The following MGAT4A variants were observed in gnomAD, a reference collection of about 807,000 sequenced individuals.
The protein encoded by MGAT4A is N-acetylglucosaminyltransferase IVa.
A neutral mutation model predicts 74.1 loss-of-function variants in MGAT4A; 33 were observed. That is an observed-to-expected ratio of 0.45 (90% CI 0.34 to 0.60). MGAT4A has a LOEUF of 0.60. MGAT4A is among the 20% of genes least tolerant of loss of function. MGAT4A has a pLI of 0.02. For synonymous variants in MGAT4A, 198 were observed against 210.4 expected, an observed-to-expected ratio of 0.94 and a Z score of 0.51; for missense variants, 479 against 628.3, an observed-to-expected ratio of 0.76 and a Z score of 2.54.
intron 8 of MGAT4A, among the ~76,000 whole-genome samples, chr2:98,652,498 A>G (rs959716438): frequency 5.3e-5 from 8 of 151,804 alleles, no homozygotes; most frequent in African/African-American, 1.9e-4. Context: ...CGCCCGGCTA[A>G]TTTTTTGTAT....
At chr2:98,681,015 C>T (rs542337670) in intron 2 of MGAT4A, among the ~76,000 whole-genome samples, 175 of 152,306 alleles carry the variant, frequency 1.1e-3, no homozygotes, top group African/African-American at 4.2e-3. Flanking sequence ...CGGAGTCTCG[C>T]TCTGTCACCC....
At chr2:98,712,036 C>T (rs902976488) in intron 2 of MGAT4A, among the ~76,000 whole-genome samples, 1 of 152,146 alleles carries the variant, frequency 6.6e-6, no homozygotes, top group Non-Finnish European at 1.5e-5. Flanking sequence ...GCTACCATCC[C>T]TGCTCCCAGC....
chr2:98,693,679 CAAA>C (rs202080554), intron 2 of MGAT4A, among the ~76,000 whole-genome samples: 9 of 101,450 alleles, frequency 8.9e-5, no homozygotes, highest in Admixed American at 1.0e-4. Context: ...GAGCTTCTCT[CAAA>C]AAAAAAAAAA....
chr2:98,704,031 G>A (rs999882680), intron 2 of MGAT4A, among the ~76,000 whole-genome samples: 1 of 152,170 alleles, frequency 6.6e-6, no homozygotes, highest in Non-Finnish European at 1.5e-5. Flanking sequence ...AACTACGACT[G>A]TGTAACATCC....
At position 98,624,537 on chromosome 2, in the gene MGAT4A, T is replaced by C. The variant is rs375940655; in HGVS notation, c.*1029A>G. On this transcript the variant is annotated 3_prime_UTR_variant, in exon 16 of 16. Transcript: ENST00000393487. ...ACCAAAAAACAATATTACAATTTTC[T>C]TTAAAATTATACCAATTATGACTCA... The C allele has an allele frequency of 1.0e-6, 1 of 976,762 alleles. No homozygotes were observed. 60.5% of individuals were successfully genotyped at this position (976,762 alleles called of 1,614,324 possible). A position where few individuals can be genotyped will look rare whatever the true frequency, so the allele number is the denominator to read the frequency against.
chr2:98,680,347 A>T (rs1435191390), intron 2 of MGAT4A, among the ~76,000 whole-genome samples: 1 of 152,138 alleles, frequency 6.6e-6, no homozygotes, highest in East Asian at 1.9e-4. Flanking sequence ...CCCAGCCAGA[A>T]AGTCTGTTTT....
chr2:98,674,795 T>G (rs552653891), intron 4 of MGAT4A, among the ~76,000 whole-genome samples: 1 of 152,198 alleles, frequency 6.6e-6, no homozygotes, highest in Admixed American at 6.5e-5. Context: ...GTGTCAACAT[T>G]TGTCTGCCTG....
At chr2:98,625,643 CA>C in intron 15 of MGAT4A, 51 bp from the exon 16 acceptor site, 1 of 1,563,564 alleles carries the variant, frequency 6.4e-7, no homozygotes, top group Non-Finnish European at 8.7e-7. Flanking sequence ...TTCTCAATTC[CA>C]AAAAGGCCTT....
At chr2:98,656,323 G>T in intron 7 of MGAT4A, 29 bp downstream of exon 7, 1 of 1,361,102 alleles carries the variant, frequency 7.3e-7, no homozygotes, top group Non-Finnish European at 1.0e-6. Flanking sequence ...ACTCACAAGT[G>T]TGGAGGATTT....
chr2:98,665,035 T>A (rs1701803741), intron 4 of MGAT4A, among the ~76,000 whole-genome samples: 1 of 152,086 alleles, frequency 6.6e-6, no homozygotes, highest in Non-Finnish European at 1.5e-5. Flanking sequence ...ATTCACAGAA[T>A]TCTAATGCCA....
At position 98,623,469 on chromosome 2, in the gene MGAT4A, T is replaced by A. The variant is rs1364206688; in HGVS notation, c.*2097A>T. 4 of 985,324 alleles carry A rather than the reference T, an allele frequency of 4.1e-6. No homozygotes were observed. Among genetic ancestry groups the A allele is most frequent in the Non-Finnish European group, 4.8e-6 (4 of 829,948 alleles). 61.0% of individuals were successfully genotyped at this position (985,324 alleles called of 1,614,324 possible). A position where few individuals can be genotyped will look rare whatever the true frequency, so the allele number is the denominator to read the frequency against. On this transcript the variant is annotated 3_prime_UTR_variant, in exon 16 of 16. Coordinates refer to ENST00000393487, the MANE Select transcript of MGAT4A (RefSeq NM_012214.3). Reference sequence around the variant, plus strand: ...TTTTTACTTCTGGTACTCAGTTATCTTTGCAGTAATTTAGTATACCAAGCT... The same window carrying A: ...TTTTTACTTCTGGTACTCAGTTATCATTGCAGTAATTTAGTATACCAAGCT...
At chr2:98,646,462 G>C (rs1184704315) in intron 8 of MGAT4A, among the ~76,000 whole-genome samples, 1 of 151,974 alleles carries the variant, frequency 6.6e-6, no homozygotes, top group Non-Finnish European at 1.5e-5. Flanking sequence ...CCAGCACTTC[G>C]GGGGGCCCAA....
At chr2:98,686,210 C>A (rs1013420740) in intron 2 of MGAT4A, among the ~76,000 whole-genome samples, 2 of 152,074 alleles carry the variant, frequency 1.3e-5, no homozygotes, top group Admixed American at 6.6e-5. Flanking sequence ...CTTCTAAATT[C>A]AAAAGGGAAA....
At position 98,623,431 on chromosome 2, in the gene MGAT4A, C is replaced by T. The variant is rs541461149; in HGVS notation, c.*2135G>A. ...CAGGGACCCAAGAGTACTCCTAAGCCCACCTGCAGAGATTTTTACTTCTGG... is the reference window on the plus strand; with the variant it reads ...CAGGGACCCAAGAGTACTCCTAAGCTCACCTGCAGAGATTTTTACTTCTGG... On this transcript the variant is annotated 3_prime_UTR_variant, in exon 16 of 16. Transcript: ENST00000393487. 8.1e-6 allele frequency: 8 copies of T among 985,374 alleles called. No individual in the cohort carries two copies. The African/African-American group carries it at 1.4e-4, about 17-fold the overall frequency. 61.0% of individuals were successfully genotyped at this position (985,374 alleles called of 1,614,324 possible).
chr2:98,621,413 C>T lies in MGAT4A; in HGVS notation c.*4153G>A, dbSNP rs1405808292. 2 of 1,551,246 alleles carry T rather than the reference C, an allele frequency of 1.3e-6. No individual in the cohort carries two copies. The highest frequency in any genetic ancestry group is 1.2e-5 in the South Asian group (1 of 83,984). ...CCTCAAAGCCATGTGCATTCCTTCTCATGCAGCCCCCTCTACCTTAAAACA... is the reference window on the plus strand; with the variant it reads ...CCTCAAAGCCATGTGCATTCCTTCTTATGCAGCCCCCTCTACCTTAAAACA... On this transcript the variant is annotated 3_prime_UTR_variant, in exon 16 of 16. Coordinates refer to ENST00000393487, the MANE Select transcript of MGAT4A (RefSeq NM_012214.3).
chr2:98,670,814 T>G (rs1186371734), intron 4 of MGAT4A, among the ~76,000 whole-genome samples: 5 of 152,060 alleles, frequency 3.3e-5, no homozygotes, highest in African/African-American at 4.8e-5. Flanking sequence ...CCCTAGGAGA[T>G]CTCATCCATT....
rs763815788 is a variant in MGAT4A at position 98,621,549 on chromosome 2, T to G, written c.*4017A>C. ...GATTTGATTAGCCACCCCCAGACAG[T>G]CTTCCTTTTGCTACATAACATGATA... On this transcript the variant is annotated 3_prime_UTR_variant, in exon 16 of 16. Coordinates refer to ENST00000393487, the MANE Select transcript of MGAT4A (RefSeq NM_012214.3). 4 of 1,550,594 alleles carry G rather than the reference T, an allele frequency of 2.6e-6. No homozygotes were observed. Among genetic ancestry groups the G allele is most frequent in the Non-Finnish European group, 3.5e-6 (4 of 1,146,486 alleles).
intron 5 of MGAT4A, among the ~76,000 whole-genome samples, chr2:98,660,489 CAAT>C (rs367792673): frequency 2.0e-5 from 3 of 147,686 alleles, no homozygotes; most frequent in Non-Finnish European, 4.5e-5. Flanking sequence ...TGAGGAAAAA[CAAT>C]AAAGCTGGAG....
chr2:98,707,205 C>A (rs1177891304), intron 2 of MGAT4A, among the ~76,000 whole-genome samples: 2 of 152,056 alleles, frequency 1.3e-5, no homozygotes, highest in Non-Finnish European at 2.9e-5. Context: ...CAGAGAGAGA[C>A]CCTGTCTCCA....
Sources: allele counts gnomAD v4.1 joint callset (sites outside exome capture counted in the v4.1 genomes callset), GRCh38; gene constraint gnomAD v4.1.1; transcripts MANE v1.5; gene names NCBI Gene and HGNC (gene_info 2026-07-23, HGNC 2026-07-21).